Variants in ABL1 observed in about 807,000 individuals in gnomAD.
ABL1 encodes tyrosine-protein kinase ABL1.
A neutral mutation model predicts 94.7 loss-of-function variants in ABL1; 11 were observed. That is an observed-to-expected ratio of 0.12 (90% CI 0.07 to 0.19). The LOEUF is 0.19. Among genes scored for constraint, ABL1 ranks in the 10% least tolerant of loss-of-function variants. ABL1 has a pLI of 1.00. For missense variants in ABL1, 1,082 were observed against 1,489.4 expected (o/e 0.73, Z 4.50); for synonymous variants, 656 against 622.4 (o/e 1.05, Z -0.80).
chr9:130,829,513 G>GGA (rs1484758887), intron 1 of ABL1, among the ~76,000 whole-genome samples: 1 of 150,984 alleles, frequency 6.6e-6, no homozygotes, highest in Non-Finnish European at 1.5e-5. Flanking sequence ...TGCAGTGGGC[G>GGA]GAGATCGCGC....
chr9:130,753,384 T>C (rs1487640242), intron 1 of ABL1, among the ~76,000 whole-genome samples: 5 of 151,862 alleles, frequency 3.3e-5, no homozygotes, highest in Non-Finnish European at 4.4e-5. Flanking sequence ...TACTGTCTTA[T>C]ACTTGCCTCT....
At position 130,886,065 on chromosome 9, in the gene ABL1, C is replaced by T. The variant is rs969562517; in HGVS notation, c.*382C>T. The T allele has an allele frequency of 3.4e-5, 9 of 261,150 alleles. No homozygotes were observed. The highest frequency in any genetic ancestry group is 7.3e-6 in the Non-Finnish European group (1 of 136,278). 16.2% of individuals were successfully genotyped at this position (261,150 alleles called of 1,614,324 possible). ...TCATTTTTTTCTCTCTGGAGCCCCT[C>T]CTCCCCCGGCTGGGCCTCCTTCTTC... On this transcript the variant is annotated 3_prime_UTR_variant, in exon 11 of 11. Coordinates refer to ENST00000318560, the MANE Select transcript of ABL1 (RefSeq NM_005157.6).
intron 1 of ABL1, among the ~76,000 whole-genome samples, chr9:130,804,946 G>T (rs1830105815): frequency 6.6e-6 from 1 of 152,198 alleles, no homozygotes; most frequent in African/African-American, 2.4e-5. Context: ...GTTAAACAAA[G>T]TTATTGACTT....
At chr9:130,733,802 G>A (rs896001867) in intron 1 of ABL1, among the ~76,000 whole-genome samples, 2 of 152,050 alleles carry the variant, frequency 1.3e-5, no homozygotes, top group Non-Finnish European at 2.9e-5. Flanking sequence ...ATGTTAGCCA[G>A]GATGGTCTCG....
intron 1 of ABL1, among the ~76,000 whole-genome samples, chr9:130,729,540 T>C (rs1389919293): frequency 6.6e-6 from 1 of 152,200 alleles, no homozygotes; most frequent in Non-Finnish European, 1.5e-5. Context: ...AGGCAGGAAG[T>C]TGGAAGCAAC....
chr9:130,859,677 C>CTTTTTTTTTTTTTTTTTTTTTT lies in ABL1; in HGVS notation c.550-3078_550-3057dup, dbSNP rs869234280. Among the ~76,000 whole-genome samples the CTTTTTTTTTTTTTTTTTTTTTT allele has an allele frequency of 1.4e-4, 11 of 78,460 alleles. 1 individual carries two copies. Among genetic ancestry groups the CTTTTTTTTTTTTTTTTTTTTTT allele is most frequent in the African/African-American group, 3.4e-4 (5 of 14,858 alleles). The allele number at this position is 78,460 out of a possible 152,430, so 51.5% of individuals were successfully genotyped here. A position where few individuals can be genotyped will look rare whatever the true frequency, so the allele number is the denominator to read the frequency against. On this transcript the variant is annotated intron_variant, in intron 3 of 10. Transcript: ENST00000318560. ...AAACGCTGTTTCTTTTCTTTCTTTC[C>CTTTTTTTTTTTTTTTTTTTTTT]TTTTTTTTTTTTTTTTTTTTTTTTT...
At chr9:130,723,503 T>C (rs1269801934) in intron 1 of ABL1, among the ~76,000 whole-genome samples, 3 of 152,124 alleles carry the variant, frequency 2.0e-5, no homozygotes, top group Non-Finnish European at 4.4e-5. Context: ...TGTGATCATA[T>C]CATTGTACTC....
chr9:130,721,013 AAAAAT>A (rs1271172813), intron 1 of ABL1, among the ~76,000 whole-genome samples: 1 of 151,524 alleles, frequency 6.6e-6, no homozygotes, highest in Non-Finnish European at 1.5e-5. Flanking sequence ...CAAAAAAAAA[AAAAAT>A]ATTTACCATC....
At chr9:130,730,482 A>G (rs896016025) in intron 1 of ABL1, among the ~76,000 whole-genome samples, 4 of 152,062 alleles carry the variant, frequency 2.6e-5, no homozygotes. Flanking sequence ...ATGTGTACCT[A>G]TGTATCTCTT....
intron 1 of ABL1, among the ~76,000 whole-genome samples, chr9:130,735,186 C>T (rs533352410): frequency 5.3e-4 from 80 of 152,038 alleles, no homozygotes; most frequent in African/African-American, 1.8e-3. Flanking sequence ...CCTGCCACCA[C>T]ATCTGGCTAA....
At chr9:130,764,109 G>T (rs531242287) in intron 1 of ABL1, among the ~76,000 whole-genome samples, 1 of 152,308 alleles carries the variant, frequency 6.6e-6, no homozygotes, top group East Asian at 1.9e-4. Context: ...TGAGTGGGAA[G>T]GCACTGCCTG....
chr9:130,757,456 G>C (rs992548171), intron 1 of ABL1, among the ~76,000 whole-genome samples: 5 of 151,942 alleles, frequency 3.3e-5, no homozygotes, highest in Admixed American at 3.3e-4. Context: ...CAGCTACTAG[G>C]GAGGCTGAGG....
At chr9:130,748,987 C>T (rs78539058) in intron 1 of ABL1, among the ~76,000 whole-genome samples, 103 of 152,204 alleles carry the variant, frequency 6.8e-4, no homozygotes, top group Non-Finnish European at 1.1e-3. Context: ...AGCCATGACC[C>T]GAAGTATGAA....
Position 130,885,479 on chromosome 9 carries a change from C to G in ABL1, c.3189C>G (p.Leu1063=). ...CAGTGCTGGAGGCCGGCAAAAACCTCTACACGTTCTGCGTGAGCTATGTGG... is the reference window on the plus strand; with the variant it reads ...CAGTGCTGGAGGCCGGCAAAAACCTGTACACGTTCTGCGTGAGCTATGTGG... ...HSAVLEAGKN[L]YTFCVSYVDS... The change falls in exon 11 of 11, where the codon CTC becomes CTG. Residue 1063 remains leucine (L), a synonymous_variant. Transcript: ENST00000318560. 6.2e-7 allele frequency: 1 copy of G among 1,614,120 alleles called. No individual in the cohort carries two copies. The highest frequency in any genetic ancestry group is 8.5e-7 in the Non-Finnish European group (1 of 1,180,048).
chr9:130,841,218 GCTCACTGCAA>G (rs1466770167), intron 1 of ABL1, among the ~76,000 whole-genome samples: 1 of 151,656 alleles, frequency 6.6e-6, no homozygotes, highest in Non-Finnish European at 1.5e-5. Context: ...CACGATCTCA[GCTCACTGCAA>G]GCTCCGCCTC....
intron 1 of ABL1, among the ~76,000 whole-genome samples, chr9:130,823,101 A>G (rs981945804): frequency 6.6e-6 from 1 of 152,072 alleles, no homozygotes; most frequent in Non-Finnish European, 1.5e-5. Context: ...CGGCCTTCCA[A>G]GTTCTTTATC....
intron 1 of ABL1, among the ~76,000 whole-genome samples, chr9:130,727,154 G>A (rs1395849614): frequency 6.6e-6 from 1 of 151,584 alleles, no homozygotes; most frequent in East Asian, 1.9e-4. Context: ...TATAAATCAA[G>A]TTGTTTCATG....
intron 1 of ABL1, among the ~76,000 whole-genome samples, chr9:130,733,575 CTTT>C (rs35185474): frequency 6.8e-5 from 7 of 103,188 alleles, no homozygotes; most frequent in African/African-American, 3.0e-4. Context: ...CTGTAAAGCA[CTTT>C]TTTTTTTTTT....
chr9:130,878,971 T>A (rs1219641950), intron 8 of ABL1, among the ~76,000 whole-genome samples: 1 of 149,976 alleles, frequency 6.7e-6, no homozygotes, highest in Non-Finnish European at 1.5e-5. Context: ...TCCACCTCCC[T>A]GGTTCAAGCG....
Sources: gnomAD v4.1 joint callset for allele counts (sites outside exome capture counted in the v4.1 genomes callset) on GRCh38, gnomAD v4.1.1 for gene constraint, MANE v1.5 for transcripts, NCBI Gene and HGNC (gene_info 2026-07-23, HGNC 2026-07-21) for gene names.